Variants in CREBBP observed in about 807,000 individuals in gnomAD.
CREBBP encodes CREB-binding protein.
In CREBBP, 19 loss-of-function variants were observed where a neutral mutation model predicts 265.0. The observed-to-expected ratio is 0.07, with a 90% CI of 0.05 to 0.11. CREBBP has a LOEUF of 0.11. CREBBP is among the 10% of genes least tolerant of loss of function. The pLI is 1.00. For missense variants in CREBBP, 2,525 were observed against 3,219.0 expected, an observed-to-expected ratio of 0.78 and a Z score of 5.22; for synonymous variants, 1,457 against 1,223.7, an observed-to-expected ratio of 1.19 and a Z score of -3.98.
chr16:3,852,152 A>C (rs144550876), intron 1 of CREBBP, among the ~76,000 whole-genome samples: 13,252 of 116,368 alleles, frequency 0.11, 1,505 homozygotes, highest in Non-Finnish European at 0.17. Flanking sequence ...GCCAATCTTA[A>C]ATTTGTTTTT....
chr16:3,773,730 G>T (rs748728079), intron 13 of CREBBP, 21 bp downstream of exon 13: 1 of 1,611,722 alleles, frequency 6.2e-7, no homozygotes, highest in Non-Finnish European at 8.5e-7. Context: ...AGGGAGCCAC[G>T]GTCCCAGTGG....
At chr16:3,807,685 T>G (rs1036509786) in intron 3 of CREBBP, among the ~76,000 whole-genome samples, 1 of 152,158 alleles carries the variant, frequency 6.6e-6, no homozygotes, top group African/African-American at 2.4e-5. Flanking sequence ...CCCAAACTCC[T>G]CAGAGTCTCA....
chr16:3,734,485 G>A (rs1220977978), intron 28 of CREBBP, among the ~76,000 whole-genome samples: 1 of 152,188 alleles, frequency 6.6e-6, no homozygotes, highest in African/African-American at 2.4e-5. Flanking sequence ...CATGCCACAG[G>A]CAGGTGCCCC....
intron 2 of CREBBP, among the ~76,000 whole-genome samples, chr16:3,849,451 GTGTGTGT>G (rs2054771633): frequency 4.7e-5 from 3 of 64,310 alleles, no homozygotes; most frequent in Non-Finnish European, 1.1e-4. Context: ...GTGTGTGTGT[GTGTGTGT>G]GTGTGTGTGT....
intron 1 of CREBBP, among the ~76,000 whole-genome samples, chr16:3,858,156 G>C (rs955364604): frequency 2.6e-5 from 4 of 152,174 alleles, no homozygotes; most frequent in Admixed American, 2.6e-4. Flanking sequence ...ATGATGATCA[G>C]AAATCAGCAT....
intron 21 of CREBBP, among the ~76,000 whole-genome samples, chr16:3,748,761 G>C (rs149440954): frequency 6.6e-6 from 1 of 152,296 alleles, no homozygotes; most frequent in Non-Finnish European, 1.5e-5. Flanking sequence ...CTGGGAAGAG[G>C]CTACCACACT....
chr16:3,879,690 G>C (rs529202527), intron 1 of CREBBP, 142 bp downstream of exon 1: 1 of 913,210 alleles, frequency 1.1e-6, no homozygotes, highest in Admixed American at 2.0e-5. Context: ...ACCCTCCCGC[G>C]CGGGGCGAGG....
At chr16:3,848,832 A>C (rs4567717) in intron 2 of CREBBP, among the ~76,000 whole-genome samples, 5,255 of 152,306 alleles carry the variant, frequency 0.035, 202 homozygotes, top group African/African-American at 0.095. Flanking sequence ...GACTCTTCTT[A>C]AAATGCCAGG....
At chr16:3,800,505 C>T (rs2141309243) in intron 3 of CREBBP, among the ~76,000 whole-genome samples, 1 of 152,130 alleles carries the variant, frequency 6.6e-6, no homozygotes, top group Admixed American at 6.5e-5. Context: ...AGACTTTTCC[C>T]AATTTTTCCA....
intron 1 of CREBBP, among the ~76,000 whole-genome samples, chr16:3,857,449 T>A (rs1013269815): frequency 1.3e-5 from 2 of 152,204 alleles, no homozygotes; most frequent in African/African-American, 4.8e-5. Context: ...TCACCACATT[T>A]CCATATTCCC....
intron 28 of CREBBP, among the ~76,000 whole-genome samples, chr16:3,735,085 C>T (rs577845753): frequency 1.1e-4 from 16 of 152,290 alleles, no homozygotes; most frequent in Non-Finnish European, 1.8e-4. Context: ...CCCAGACAGC[C>T]GCACAAACCC....
At chr16:3,854,704 C>G (rs1333060676) in intron 1 of CREBBP, among the ~76,000 whole-genome samples, 1 of 152,212 alleles carries the variant, frequency 6.6e-6, no homozygotes, top group Non-Finnish European at 1.5e-5. Flanking sequence ...TCTTGAATCT[C>G]TCATTCTAAA....
chr16:3,759,109 T>A, intron 16 of CREBBP, 137 bp from the exon 17 acceptor site: 1 of 739,620 alleles, frequency 1.4e-6, no homozygotes, highest in Non-Finnish European at 2.4e-6. Flanking sequence ...CTCTCGTCCA[T>A]CACCGTTAAG....
In CREBBP at chr16:3,780,825, A is replaced by G. The variant is rs749101054; in HGVS notation, c.1730T>C (p.Ile577Thr). The part of the protein sequence containing the change: ...NSGNIGTLST[I>T]PTAAPPSSTG... ...GCTAGAAGGAGGAGCTGCTGTTGGT[A>G]TAGTGCTGAGGGTTCCAATGTTACC... Residue 577 changes from isoleucine (I) to threonine (T), a missense_variant, in exon 8 of 31, where the codon ATA becomes ACA. By Grantham distance (89) the Ile-to-Thr change is moderately conservative. This residue lies in a region of CREBBP where 144 missense variants were observed against 134.0 expected (regional missense o/e 1.07). Coordinates refer to ENST00000262367, the MANE Select transcript of CREBBP (RefSeq NM_004380.3). The G allele has an allele frequency of 1.2e-6, 2 of 1,613,894 alleles. No homozygotes were observed. Among genetic ancestry groups the G allele is most frequent in the South Asian group, 1.1e-5 (1 of 91,062 alleles).
chr16:3,777,555 A>G (rs896511601), intron 11 of CREBBP, 58 bp downstream of exon 11: 2 of 1,555,238 alleles, frequency 1.3e-6, no homozygotes. Flanking sequence ...AAAAACAGTG[A>G]AAGTTATGGC....
At chr16:3,828,324 T>A (rs1202900249) in intron 2 of CREBBP, among the ~76,000 whole-genome samples, 1 of 152,168 alleles carries the variant, frequency 6.6e-6, no homozygotes, top group East Asian at 1.9e-4. Context: ...ACTCACGACG[T>A]CAGGTGATCC....
In CREBBP at chr16:3,726,091, G is replaced by C. The variant is rs916262870; in HGVS notation, c.*1627C>G. On this transcript the variant is annotated 3_prime_UTR_variant, in exon 31 of 31. Coordinates refer to ENST00000262367, the MANE Select transcript of CREBBP (RefSeq NM_004380.3). ...ACCTTTCTCACTGTAACAGGGACCG[G>C]AGCTGGTGCTCCAAGGTGTCTGTCC... The C allele has an allele frequency of 4.3e-6, 1 of 233,228 alleles. No homozygotes were observed. The highest frequency in any genetic ancestry group is 8.5e-6 in the Non-Finnish European group (1 of 118,084). 14.4% of individuals were successfully genotyped at this position (233,228 alleles called of 1,614,324 possible).
intron 2 of CREBBP, among the ~76,000 whole-genome samples, chr16:3,830,394 T>C (rs547633687): frequency 6.6e-6 from 1 of 151,944 alleles, no homozygotes; most frequent in South Asian, 2.1e-4. Context: ...AGTGACATCC[T>C]GTATCAAAAC....
rs1253619449 is a variant in CREBBP, at chr16:3,796,448, GC to G, written c.976-2823del. On this transcript the variant is annotated intron_variant, in intron 3 of 30. Transcript: ENST00000262367. ...ATCGCCTAAGCTGGAGTGCAGTGGCGCCACCTCAGCTTACTGCAACCTCTGC... is the reference window on the plus strand; with the variant it reads ...ATCGCCTAAGCTGGAGTGCAGTGGCGCACCTCAGCTTACTGCAACCTCTGC... Among the ~76,000 whole-genome samples the G allele has an allele frequency of 4.6e-5, 7 of 150,802 alleles. No homozygotes were observed. The South Asian group carries it at 1.5e-3, about 32-fold the overall frequency.
Sources: gnomAD v4.1 joint callset for allele counts (sites outside exome capture counted in the v4.1 genomes callset) on GRCh38, gnomAD v4.1.1 for gene constraint, gnomAD v4.1.1 regional missense constraint, MANE v1.5 for transcripts, NCBI Gene and HGNC (gene_info 2026-07-23, HGNC 2026-07-21) for gene names.